Variants in STAB2 observed in about 807,000 individuals in gnomAD.
STAB2 encodes stabilin 2, also known as stabilin-2.
In STAB2, 288 loss-of-function variants were observed where a neutral mutation model predicts 338.1. The ratio of observed to expected loss-of-function variants is 0.85; its 90% CI spans 0.77 to 0.94. STAB2 has a LOEUF of 0.94. Ranked by LOEUF, STAB2 falls within the 40% of genes least tolerant of loss-of-function variation. The pLI is 0.00. For synonymous variants in STAB2, 1,202 were observed against 1,193.3 expected (o/e 1.01, Z -0.15); for missense variants, 3,141 against 3,210.1 (o/e 0.98, Z 0.52).
intron 8 of STAB2, among the ~76,000 whole-genome samples, chr12:103,638,467 A>G (rs1957588825): frequency 1.3e-5 from 2 of 152,180 alleles, no homozygotes. Flanking sequence ...ACAGTCCTAT[A>G]TGGTGTTTGG....
intron 26 of STAB2, 34 bp from the exon 27 acceptor site, chr12:103,684,954 TG>T (rs1163150853): frequency 1.2e-6 from 2 of 1,605,144 alleles, no homozygotes; most frequent in South Asian, 2.2e-5. Context: ...ACGTTTTTGT[TG>T]GGGTAACCAT....
At chr12:103,756,999 ATATATAT>A (rs1566082357) in intron 63 of STAB2, among the ~76,000 whole-genome samples, 2,663 of 47,254 alleles carry the variant, frequency 0.056, 56 homozygotes, top group Non-Finnish European at 0.072. Flanking sequence ...GAGGGAAAAT[ATATATAT>A]ATATATATAT....
At position 103,703,211 on chromosome 12, in the gene STAB2, G is replaced by A. The variant is rs1478836926; in HGVS notation, c.3778G>A (p.Gly1260Ser). The change falls in exon 35 of 69, where the codon GGC becomes AGC. Residue 1260 changes from glycine to serine, a missense_variant. By Grantham distance (56) the Gly-to-Ser change is moderately conservative. Transcript: ENST00000388887. ...AGCCACTGATAAGGGAGTGATCCAT[G>A]GCTTGGGAAAAGTTCTGGAAATTCA... ...NVATDKGVIH[G>S]LGKVLEIQKN... is the part of the protein sequence containing the mutation. The A allele has an allele frequency of 1.2e-6, 2 of 1,613,944 alleles. No homozygotes were observed. Among genetic ancestry groups the A allele is most frequent in the Non-Finnish European group, 1.7e-6 (2 of 1,180,034 alleles).
chr12:103,745,769 G>A (rs1003443972), intron 57 of STAB2, among the ~76,000 whole-genome samples: 3 of 152,156 alleles, frequency 2.0e-5, no homozygotes, highest in Admixed American at 1.3e-4. Flanking sequence ...GCAACGCAAG[G>A]ATTGCTGGCA....
chr12:103,618,936 G>T (rs930815156), intron 3 of STAB2, among the ~76,000 whole-genome samples: 2 of 152,176 alleles, frequency 1.3e-5, no homozygotes, highest in South Asian at 2.1e-4. Context: ...TCTCATGATT[G>T]TGAATAAGTC....
Position 103,666,385 on chromosome 12 carries a change from C to A in STAB2, c.2085+32C>A, listed in dbSNP as rs542357215. On this transcript the variant is annotated intron_variant, in intron 19 of 68. Transcript: ENST00000388887. The stretch of plus-strand genomic sequence containing the variant: ...GTGACAGCTTCATGAAAGCACAGAT[C>A]ACCCAAGCAGCCCCACTGGTGTGGT... 91 of 1,612,076 alleles carry A rather than the reference C, an allele frequency of 5.6e-5. 1 individual carries two copies. In the South Asian group the frequency reaches 9.8e-4, roughly 17 times the overall value.
chr12:103,654,293 A>G (rs1874009071), intron 12 of STAB2, among the ~76,000 whole-genome samples: 1 of 152,230 alleles, frequency 6.6e-6, no homozygotes, highest in Non-Finnish European at 1.5e-5. Flanking sequence ...TCTGCTGGAG[A>G]AGAGCTTGAT....
chr12:103,685,463 TGTGTGTGTGCGTGCGC>T (rs1877336970), intron 27 of STAB2, among the ~76,000 whole-genome samples: 1 of 139,818 alleles, frequency 7.2e-6, no homozygotes, highest in South Asian at 2.3e-4. Flanking sequence ...TGCGCGTGCG[TGTGTGTGTGCGTGCGC>T]GCATGTGTGT....
Position 103,633,121 on chromosome 12 carries a change from C to T in STAB2, c.583+1428C>T, listed in dbSNP as rs184572542. On this transcript the variant is annotated intron_variant, in intron 6 of 68. Transcript: ENST00000388887. ...TGGGTAGGACAGGCCTTCTGTGGTC[C>T]TCAGTCAGCCTCCTTCCTTGGCCAC... Among the ~76,000 whole-genome samples the T allele has an allele frequency of 1.9e-3, 283 of 152,316 alleles. 1 individual carries two copies. The highest frequency in any genetic ancestry group is 5.6e-3 in the Admixed American group (86 of 15,308).
chr12:103,755,611 G>C lies in STAB2; in HGVS notation c.6881-1G>C. The stretch of plus-strand genomic sequence containing the variant: ...GGACCCTGTGTGCCTCTGCCCTCCA[G>C]ATGTGAACTGCACCTGCAAGGTGGG... On this transcript the variant is annotated splice_acceptor_variant, in intron 62 of 68. Coordinates refer to ENST00000388887, the MANE Select transcript of STAB2 (RefSeq NM_017564.10). LOFTEE classifies it high-confidence loss of function. 6.2e-7 allele frequency: 1 copy of C among 1,614,098 alleles called. No individual in the cohort carries two copies. The highest frequency in any genetic ancestry group is 8.5e-7 in the Non-Finnish European group (1 of 1,180,010).
chr12:103,705,443 G>A (rs1879258084), intron 36 of STAB2, among the ~76,000 whole-genome samples, 189 bp from the exon 37 acceptor site: 2 of 152,222 alleles, frequency 1.3e-5, no homozygotes, highest in African/African-American at 4.8e-5. Context: ...TTTGCCACCT[G>A]GCATTCCGGC....
At chr12:103,760,087 C>T (rs1362995744) in intron 65 of STAB2, among the ~76,000 whole-genome samples, 2 of 152,210 alleles carry the variant, frequency 1.3e-5, no homozygotes, top group Non-Finnish European at 2.9e-5. Flanking sequence ...CATCTACTCC[C>T]AGTCTCCAGT....
intron 4 of STAB2, among the ~76,000 whole-genome samples, chr12:103,621,101 C>G (rs1176385424): frequency 6.6e-6 from 1 of 151,082 alleles, no homozygotes; most frequent in African/African-American, 2.4e-5. Flanking sequence ...CTGTCCACCC[C>G]CACCCAAAAA....
chr12:103,707,551 A>G (rs1182270764), intron 38 of STAB2, among the ~76,000 whole-genome samples: 1 of 152,162 alleles, frequency 6.6e-6, no homozygotes, highest in Non-Finnish European at 1.5e-5. Flanking sequence ...CTATTGTTTC[A>G]CCAGCAGCAA....
intron 9 of STAB2, among the ~76,000 whole-genome samples, chr12:103,647,812 GTC>G (rs770000166): frequency 1.3e-5 from 2 of 152,022 alleles, no homozygotes; most frequent in Non-Finnish European, 2.9e-5. Context: ...CTCTACTTCT[GTC>G]TTATGAAACT....
At chr12:103,725,593 C>A (rs531645045) in intron 45 of STAB2, among the ~76,000 whole-genome samples, 1 of 151,602 alleles carries the variant, frequency 6.6e-6, no homozygotes, top group Admixed American at 6.6e-5. Flanking sequence ...CGTGTGTGTG[C>A]ATGTGTGTAC....
chr12:103,711,427 GATTTAGT>G (rs777228540), intron 39 of STAB2, 37 bp from the exon 40 acceptor site: 1 of 1,612,870 alleles, frequency 6.2e-7, no homozygotes, highest in Non-Finnish European at 8.5e-7. Context: ...CCTCAGGTGA[GATTTAGT>G]AAGAGGGCTA....
chr12:103,761,559 C>T (rs1281321752), intron 66 of STAB2, 149 bp downstream of exon 66: 7 of 536,320 alleles, frequency 1.3e-5, no homozygotes, highest in Non-Finnish European at 1.9e-5. Flanking sequence ...GGTAGCTGGC[C>T]AGGACCGCCC....
At position 103,668,746 on chromosome 12, in the gene STAB2, C is replaced by T. The variant is rs1375669296; in HGVS notation, c.2172+17C>T. 2.5e-5 allele frequency: 38 copies of T among 1,531,476 alleles called. No individual in the cohort carries two copies. The highest frequency in any genetic ancestry group is 8.2e-5 in the African/African-American group (6 of 72,750). The allele number at this position is 1,531,476 out of a possible 1,614,324, so 94.9% of individuals were successfully genotyped here. ...ACTGTGAAGGTGAGGAGCGCGTGGC[C>T]GAGGCCCAGTCTAGGCCAGTAGGGC... On this transcript the variant is annotated intron_variant, in intron 20 of 68. Coordinates refer to ENST00000388887, the MANE Select transcript of STAB2 (RefSeq NM_017564.10).
Sources: gnomAD v4.1 joint callset for allele counts (sites outside exome capture counted in the v4.1 genomes callset) on GRCh38, gnomAD v4.1.1 for gene constraint, MANE v1.5 for transcripts, NCBI Gene and HGNC (gene_info 2026-07-23, HGNC 2026-07-21) for gene names.